The following KIAA1217 variants were observed in gnomAD, a reference collection of about 807,000 sequenced individuals.
KIAA1217 encodes KIAA1217.
Under a neutral mutation model 163.9 loss-of-function variants are expected in KIAA1217, and 88 were observed. That is an observed-to-expected ratio of 0.54 (90% CI 0.45 to 0.64). KIAA1217 has a LOEUF of 0.64. KIAA1217 is among the 30% of genes least tolerant of loss of function. The probability of loss-of-function intolerance (pLI) is 0.00; values close to 1 mark genes in which losing one functional copy is unlikely to be tolerated. For missense variants in KIAA1217, 2,372 were observed against 2,475.0 expected (o/e 0.96, Z 0.88); for synonymous variants, 903 against 923.1 (o/e 0.98, Z 0.39).
At chr10:24,005,509 T>A (rs1846953123) in intron 1 of KIAA1217, among the ~76,000 whole-genome samples, 1 of 152,162 alleles carries the variant, frequency 6.6e-6, no homozygotes, top group Non-Finnish European at 1.5e-5. Flanking sequence ...AGTGGAAGGA[T>A]CCCAGACTTT....
In KIAA1217 at chr10:24,091,514, A is replaced by G. The variant is rs560950517; in HGVS notation, c.-171+84140A>G. 2.6e-5 allele frequency among the ~76,000 whole-genome samples: 4 copies of G among 152,000 alleles called. No individual in the cohort carries two copies. In the South Asian group the frequency reaches 8.3e-4, roughly 31 times the overall value. Reference sequence around the variant, plus strand: ...AAGGAAATGTGTTTACGTTATCAAGAAAGTTAACAAATTGCCAAACTGTAC... The same window carrying G: ...AAGGAAATGTGTTTACGTTATCAAGGAAGTTAACAAATTGCCAAACTGTAC... On this transcript the variant is annotated intron_variant, in intron 2 of 18. Coordinates refer to the KIAA1217 transcript ENST00000376462.
At chr10:24,193,257 A>G (rs879650006) in intron 2 of KIAA1217, among the ~76,000 whole-genome samples, 2 of 152,190 alleles carry the variant, frequency 1.3e-5, no homozygotes, top group Non-Finnish European at 2.9e-5. Context: ...AAAAAGCTCT[A>G]GCTTCTTAAG....
At chr10:24,093,179 T>A (rs1479529606) in intron 2 of KIAA1217, among the ~76,000 whole-genome samples, 1 of 151,174 alleles carries the variant, frequency 6.6e-6, no homozygotes, top group East Asian at 1.9e-4. Context: ...ATTTATTTAT[T>A]TATTTTTTGA....
At chr10:23,920,574 A>C (rs553566742) in intron 1 of KIAA1217, among the ~76,000 whole-genome samples, 1 of 152,334 alleles carries the variant, frequency 6.6e-6, no homozygotes, top group East Asian at 1.9e-4. Flanking sequence ...CTTTGAAGAC[A>C]TTAAGGCTAA....
chr10:24,517,471 T>A (rs1367289530), intron 10 of KIAA1217, among the ~76,000 whole-genome samples: 2 of 152,190 alleles, frequency 1.3e-5, no homozygotes, highest in Admixed American at 6.5e-5. Context: ...ACATCTATTA[T>A]GCGTCGATTT....
intron 2 of KIAA1217, among the ~76,000 whole-genome samples, chr10:24,247,124 CTT>C (rs10648557): frequency 2.5e-4 from 34 of 138,308 alleles, no homozygotes; most frequent in African/African-American, 8.1e-4. Flanking sequence ...ATTTTCTTTT[CTT>C]TTTTTTTTTT....
At chr10:24,030,965 G>A (rs1455944239) in intron 2 of KIAA1217, among the ~76,000 whole-genome samples, 1 of 152,036 alleles carries the variant, frequency 6.6e-6, no homozygotes, top group Non-Finnish European at 1.5e-5. Context: ...TTTGGATCTT[G>A]TTAATAATAC....
At chr10:23,873,515 G>A (rs1840555723) in intron 1 of KIAA1217, among the ~76,000 whole-genome samples, 2 of 152,004 alleles carry the variant, frequency 1.3e-5, no homozygotes, top group Admixed American at 6.6e-5. Flanking sequence ...TTTTAAGACG[G>A]ATAAATGAGT....
intron 2 of KIAA1217, among the ~76,000 whole-genome samples, chr10:24,174,838 C>G (rs1301950654): frequency 6.6e-6 from 1 of 151,934 alleles, no homozygotes; most frequent in Non-Finnish European, 1.5e-5. Flanking sequence ...GTATAGTATA[C>G]CCAACATGTA....
intron 1 of KIAA1217, among the ~76,000 whole-genome samples, chr10:23,831,355 A>G (rs1838187762): frequency 1.3e-5 from 2 of 152,028 alleles, no homozygotes; most frequent in Admixed American, 6.6e-5. Context: ...TGGCCTATGG[A>G]TGGGGAGAAA....
intron 1 of KIAA1217, among the ~76,000 whole-genome samples, chr10:23,811,044 TATA>T (rs1837018825): frequency 7.8e-6 from 1 of 128,304 alleles, no homozygotes; most frequent in Non-Finnish European, 1.6e-5. Flanking sequence ...GTATACAATA[TATA>T]ATATATATTG....
intron 2 of KIAA1217, among the ~76,000 whole-genome samples, chr10:24,292,599 CTT>C (rs1416352015): frequency 6.6e-6 from 1 of 152,002 alleles, no homozygotes; most frequent in Non-Finnish European, 1.5e-5. Context: ...TTGTCCCAGA[CTT>C]TTTTTTGTTG....
chr10:23,854,733 T>C (rs1236148935), intron 1 of KIAA1217, among the ~76,000 whole-genome samples: 1 of 152,238 alleles, frequency 6.6e-6, no homozygotes, highest in African/African-American at 2.4e-5. Context: ...GATAGTTAGC[T>C]CTTCTTGTTG....
chr10:23,824,901 A>G (rs1430484578), intron 1 of KIAA1217, among the ~76,000 whole-genome samples: 1 of 151,962 alleles, frequency 6.6e-6, no homozygotes, highest in African/African-American at 2.4e-5. Flanking sequence ...ACTCTCATAA[A>G]TGTCCTGATT....
intron 2 of KIAA1217, among the ~76,000 whole-genome samples, chr10:24,008,579 G>T (rs988296214): frequency 6.6e-6 from 1 of 152,136 alleles, no homozygotes; most frequent in African/African-American, 2.4e-5. Context: ...AAAGCTGGTA[G>T]GTAGGTCCTG....
chr10:23,732,006 G>T (rs1474311265), intron 1 of KIAA1217, among the ~76,000 whole-genome samples: 1 of 152,034 alleles, frequency 6.6e-6, no homozygotes, highest in Non-Finnish European at 1.5e-5. Context: ...TGATTTTGTT[G>T]AAGAGTTTTA....
At chr10:23,974,094 A>T (rs1475575150) in intron 1 of KIAA1217, among the ~76,000 whole-genome samples, 1 of 152,246 alleles carries the variant, frequency 6.6e-6, no homozygotes, top group East Asian at 1.9e-4. Flanking sequence ...AAAAACACAG[A>T]TGTAGAGGAC....
chr10:24,167,306 T>C (rs1430171717), intron 2 of KIAA1217, among the ~76,000 whole-genome samples: 2 of 152,006 alleles, frequency 1.3e-5, no homozygotes, highest in East Asian at 3.9e-4. Flanking sequence ...TGTGTGTGTG[T>C]GTGTGTGTGT....
intron 2 of KIAA1217, among the ~76,000 whole-genome samples, chr10:24,298,066 C>T (rs546575708): frequency 6.1e-4 from 93 of 151,984 alleles, no homozygotes; most frequent in Non-Finnish European, 1.1e-3. Flanking sequence ...TTTATATAAA[C>T]AAAAATTAAA....
Sources: allele counts gnomAD v4.1 joint callset (sites outside exome capture counted in the v4.1 genomes callset), GRCh38; gene constraint gnomAD v4.1.1; transcripts MANE v1.5; gene names NCBI Gene and HGNC (gene_info 2026-07-23, HGNC 2026-07-21).